LRRCC1: variants seen among roughly 807,000 people sequenced by gnomAD.
The protein encoded by LRRCC1 is leucine rich repeat and coiled-coil centrosomal protein 1.
A neutral mutation model predicts 126.0 loss-of-function variants in LRRCC1; 115 were observed. That is an observed-to-expected ratio of 0.91 (90% CI 0.78 to 1.07). The LOEUF is 1.07. Among genes scored for constraint, LRRCC1 ranks in the 50% least tolerant of loss-of-function variants. The pLI is 0.00. For missense variants in LRRCC1, 1,172 were observed against 1,175.7 expected (o/e 1.00, Z 0.05); for synonymous variants, 400 against 393.4 (o/e 1.02, Z -0.20).
intron 12 of LRRCC1, among the ~76,000 whole-genome samples, chr8:85,132,810 C>T (rs1366257807): frequency 6.6e-6 from 1 of 152,166 alleles, no homozygotes; most frequent in Non-Finnish European, 1.5e-5. Flanking sequence ...TAATTGTGCT[C>T]CTCTGACCAG....
chr8:85,133,084 A>C (rs1205600165), intron 12 of LRRCC1, among the ~76,000 whole-genome samples: 1 of 152,082 alleles, frequency 6.6e-6, no homozygotes, highest in Non-Finnish European at 1.5e-5. Context: ...TGATTTCTCT[A>C]CTTCTCTCTT....
At chr8:85,129,500 T>G (rs1810280206) in intron 10 of LRRCC1, 121 bp downstream of exon 10, 1 of 787,204 alleles carries the variant, frequency 1.3e-6, no homozygotes, top group Admixed American at 2.9e-5. Context: ...AAAAATTAAA[T>G]TGCTGTTAAT....
intron 8 of LRRCC1, among the ~76,000 whole-genome samples, chr8:85,125,287 G>A (rs1216027842): frequency 1.3e-5 from 2 of 152,008 alleles, no homozygotes; most frequent in Non-Finnish European, 2.9e-5. Flanking sequence ...TCTTCTCAAA[G>A]AAGCCTATTT....
intron 6 of LRRCC1, among the ~76,000 whole-genome samples, chr8:85,121,905 T>C (rs907195408): frequency 1.3e-5 from 2 of 152,234 alleles, no homozygotes; most frequent in Admixed American, 6.5e-5. Context: ...TTATTTCTTC[T>C]TGAGGATTCA....
Position 85,145,441 on chromosome 8 carries a change from A to G in LRRCC1, c.3029A>G (p.Asn1010Ser). The G allele has an allele frequency of 1.3e-6, 2 of 1,583,700 alleles. No individual in the cohort carries two copies. The highest frequency in any genetic ancestry group is 1.7e-6 in the Non-Finnish European group (2 of 1,168,714). The change falls in exon 19 of 19, where the codon AAC becomes AGC. Residue 1010 changes from asparagine to serine, a missense_variant. Transcript: ENST00000360375. ...GAACTTTTGGAAGAAACATGCAAGA[A>G]CAAAAAAACAATGGAAGCAAAAATT... ...MRELLEETCK[N>S]KKTMEAKIKQ...
Position 85,109,817 on chromosome 8 carries a change from C to T in LRRCC1, c.310+17C>T, listed in dbSNP as rs182755563. 7.5e-7 allele frequency: 1 copy of T among 1,339,772 alleles called. No homozygotes were observed. The highest frequency in any genetic ancestry group is 2.0e-5 in the Admixed American group (1 of 49,616). The allele number at this position is 1,339,772 out of a possible 1,614,324, so 83.0% of individuals were successfully genotyped here. On this transcript the variant is annotated intron_variant, in intron 2 of 18. Transcript: ENST00000360375. ...AAGTAGAAGGTTTGTAAGTGATTTTCATTTAACACTTAGCGTAAGGAAAAT... is the reference window on the plus strand; with the variant it reads ...AAGTAGAAGGTTTGTAAGTGATTTTTATTTAACACTTAGCGTAAGGAAAAT...
chr8:85,138,799 C>T (rs1312646848), intron 17 of LRRCC1, among the ~76,000 whole-genome samples: 1 of 152,132 alleles, frequency 6.6e-6, no homozygotes, highest in Non-Finnish European at 1.5e-5. Context: ...AATCCCAGCG[C>T]TTTGGGAGGC....
intron 6 of LRRCC1, among the ~76,000 whole-genome samples, chr8:85,119,219 C>G (rs1482117152): frequency 1.3e-5 from 2 of 151,802 alleles, no homozygotes; most frequent in African/African-American, 4.8e-5. Flanking sequence ...CATTTCATCT[C>G]ATTATCAGCA....
At chr8:85,132,375 CTTTTTTTTTTTTTTTTTT>C (rs551423793) in intron 12 of LRRCC1, among the ~76,000 whole-genome samples, 1 of 109,960 alleles carries the variant, frequency 9.1e-6, no homozygotes. Flanking sequence ...TGAGTACTTT[CTTTTTTTTTTTTTTTTTT>C]TTTTTTTTTT....
In LRRCC1 at chr8:85,138,568, C is replaced by A. The variant is rs745565675; in HGVS notation, c.2840+93C>A. On this transcript the variant is annotated intron_variant, in intron 17 of 18. Coordinates refer to ENST00000360375, the MANE Select transcript of LRRCC1 (RefSeq NM_033402.5). ...GTATAAAGAGAGGAGGGCTAAAAATCATGTAAGACATAGTTATTTGCCAAG... is the reference window on the plus strand; with the variant it reads ...GTATAAAGAGAGGAGGGCTAAAAATAATGTAAGACATAGTTATTTGCCAAG... 251 of 1,240,800 alleles carry A rather than the reference C, an allele frequency of 2.0e-4. 2 individuals carry two copies. The highest frequency in any genetic ancestry group is 2.0e-4 in the Middle Eastern group (1 of 5,006). 76.9% of individuals were successfully genotyped at this position (1,240,800 alleles called of 1,614,324 possible). A position where few individuals can be genotyped will look rare whatever the true frequency, so the allele number is the denominator to read the frequency against.
chr8:85,130,066 A>G lies in LRRCC1; in HGVS notation c.1766+8A>G. The G allele has an allele frequency of 6.4e-7, 1 of 1,558,960 alleles. No homozygotes were observed. Among genetic ancestry groups the G allele is most frequent in the African/African-American group, 1.4e-5 (1 of 70,802 alleles). ...GAAAGAACAGGAACACAGGTAAATG[A>G]AAAATGTATCAGGAATGTATTGGCA... On this transcript the variant is annotated splice_region_variant and intron_variant, in intron 11 of 18. Coordinates refer to ENST00000360375, the MANE Select transcript of LRRCC1 (RefSeq NM_033402.5).
chr8:85,117,441 G>C (rs1418466460), intron 6 of LRRCC1, among the ~76,000 whole-genome samples: 1 of 152,130 alleles, frequency 6.6e-6, no homozygotes, highest in Non-Finnish European at 1.5e-5. Context: ...CTTACTTGGG[G>C]TAAAGAGTAA....
In LRRCC1 at chr8:85,129,215, C is replaced by A. The variant is rs368087422; in HGVS notation, c.1462C>A (p.Gln488Lys). The change falls in exon 10 of 19, where the codon CAA becomes AAA. Residue 488 changes from glutamine (Q) to lysine (K), a missense_variant. Physicochemically the swap from Gln to Lys is moderately conservative, Grantham distance 53. Transcript: ENST00000360375. ...TTTTAGAGAGAGAAATTCCAAAGGA[C>A]AACTCGAAGTTATGGTTCACAAACT... ...IIFRERNSKG[Q>K]LEVMVHKLQN... 1.9e-6 allele frequency: 3 copies of A among 1,612,418 alleles called. No homozygotes were observed. The African/African-American group carries it at 4.0e-5, about 22-fold the overall frequency.
At chr8:85,129,476 G>C (rs972028270) in intron 10 of LRRCC1, 97 bp downstream of exon 10, 2 of 1,030,308 alleles carry the variant, frequency 1.9e-6, no homozygotes, top group African/African-American at 3.2e-5. Flanking sequence ...CCTAAAAGAT[G>C]TAAGGCCATA....
At chr8:85,133,467 TG>T (rs1477977912) in intron 12 of LRRCC1, among the ~76,000 whole-genome samples, 3 of 152,204 alleles carry the variant, frequency 2.0e-5, no homozygotes, top group Non-Finnish European at 4.4e-5. Context: ...ATCTCCAGCC[TG>T]GACGTTTTGC....
chr8:85,132,375 CTTTTTTTTTTTTT>C (rs551423793), intron 12 of LRRCC1, among the ~76,000 whole-genome samples: 17 of 109,924 alleles, frequency 1.5e-4, no homozygotes, highest in South Asian at 2.9e-4. Flanking sequence ...TGAGTACTTT[CTTTTTTTTTTTTT>C]TTTTTTTTTT....
chr8:85,107,505 G>T, intron 1 of LRRCC1, 106 bp downstream of exon 1: 1 of 946,886 alleles, frequency 1.1e-6, no homozygotes, highest in South Asian at 1.9e-5. Context: ...GCTTTACCAA[G>T]ACCATAAGTG....
chr8:85,111,455 G>A (rs1808714093), intron 3 of LRRCC1, among the ~76,000 whole-genome samples: 1 of 152,156 alleles, frequency 6.6e-6, no homozygotes, highest in Admixed American at 6.5e-5. Context: ...TTACTGTTTA[G>A]ATGCAATTTC....
At chr8:85,127,124 C>T (rs1187130054) in intron 9 of LRRCC1, among the ~76,000 whole-genome samples, 1 of 152,144 alleles carries the variant, frequency 6.6e-6, no homozygotes, top group South Asian at 2.1e-4. Flanking sequence ...ATGTAAAGTG[C>T]CAGATTCTGT....
Sources: gnomAD v4.1 joint callset for allele counts (sites outside exome capture counted in the v4.1 genomes callset) on GRCh38, gnomAD v4.1.1 for gene constraint, MANE v1.5 for transcripts, NCBI Gene and HGNC (gene_info 2026-07-23, HGNC 2026-07-21) for gene names.